Variants in MCTP2 observed in about 807,000 individuals in gnomAD.
The protein encoded by MCTP2 is multiple C2 and transmembrane domain containing 2, also known as multiple C2 and transmembrane domain-containing protein 2.
In MCTP2, 132 loss-of-function variants were observed where a neutral mutation model predicts 111.6. The ratio of observed to expected loss-of-function variants is 1.18; its 90% confidence interval spans 1.03 to 1.37. The LOEUF is 1.37. Ranked by LOEUF, MCTP2 falls within the 40% of genes most tolerant of loss-of-function variation. MCTP2 has a pLI of 0.00. For missense variants in MCTP2, 1,183 were observed against 1,067.9 expected, an observed-to-expected ratio of 1.11 and a Z score of -1.50; for synonymous variants, 395 against 387.7, an observed-to-expected ratio of 1.02 and a Z score of -0.22.
At chr15:94,280,850 A>C (rs2074445094) in intron 1 of MCTP2, among the ~76,000 whole-genome samples, 1 of 152,134 alleles carries the variant, frequency 6.6e-6, no homozygotes, top group Non-Finnish European at 1.5e-5. Context: ...TATTTACCCA[A>C]AAATCATTTA....
chr15:94,248,772 G>A (rs1258648613), intron 1 of MCTP2, among the ~76,000 whole-genome samples: 2 of 152,172 alleles, frequency 1.3e-5, no homozygotes, highest in Non-Finnish European at 2.9e-5. Context: ...GTGAGGCTTT[G>A]CAAAGGTGCA....
chr15:94,317,886 T>A (rs1345194561), intron 4 of MCTP2, among the ~76,000 whole-genome samples: 2 of 152,238 alleles, frequency 1.3e-5, no homozygotes, highest in Non-Finnish European at 2.9e-5. Context: ...TAGTTTTTTT[T>A]AATCAAAGTC....
At chr15:94,373,554 G>A (rs1596502712) in intron 12 of MCTP2, among the ~76,000 whole-genome samples, 1 of 152,180 alleles carries the variant, frequency 6.6e-6, no homozygotes, top group South Asian at 2.1e-4. Context: ...TGTGGTTGAA[G>A]CTACCTGTTA....
chr15:94,272,309 G>T (rs2073947170), intron 1 of MCTP2, among the ~76,000 whole-genome samples: 1 of 152,164 alleles, frequency 6.6e-6, no homozygotes, highest in Admixed American at 6.5e-5. Flanking sequence ...GTGTGTGTGG[G>T]TGTGCATGCA....
Position 94,476,753 on chromosome 15 carries a change from T to C in MCTP2, c.2528T>C (p.Leu843Pro). ...CCCTATTCCATCGACAATAATGAGC[T>C]ACTAGACTTCCTCTCTAGGGTACCG... ...RNPYSIDNNE[L>P]LDFLSRVPSD... The change falls in exon 22 of 23, where the codon CTA becomes CCA. Residue 843 changes from leucine (L) to proline (P), a missense_variant. Physicochemically the swap from Leu to Pro is moderately conservative, Grantham distance 98 (BLOSUM62 -3). Coordinates refer to ENST00000357742, the MANE Select transcript of MCTP2 (RefSeq NM_001385001.1). 3.1e-6 allele frequency: 5 copies of C among 1,608,980 alleles called. No individual in the cohort carries two copies. The highest frequency in any genetic ancestry group is 4.3e-6 in the Non-Finnish European group (5 of 1,175,474).
intron 20 of MCTP2, among the ~76,000 whole-genome samples, chr15:94,463,684 C>T (rs2085350348): frequency 6.6e-6 from 1 of 152,110 alleles, no homozygotes; most frequent in Admixed American, 6.6e-5. Context: ...TTCAACGTTT[C>T]ACCCTCAAGA....
chr15:94,407,775 GCACACACA>G (rs57851445), intron 17 of MCTP2, among the ~76,000 whole-genome samples: 5,507 of 147,734 alleles, frequency 0.037, 105 homozygotes, highest in African/African-American at 0.048. Context: ...ATGTACTTGT[GCACACACA>G]CACACACACA....
intron 21 of MCTP2, among the ~76,000 whole-genome samples, chr15:94,471,754 A>G (rs1381768502): frequency 9.8e-6 from 1 of 101,810 alleles, no homozygotes; most frequent in Non-Finnish European, 2.2e-5. Context: ...AAGAAGGCAT[A>G]TTTTGAAAAA....
At chr15:94,300,055 T>A (rs1036829568) in intron 2 of MCTP2, among the ~76,000 whole-genome samples, 7 of 152,212 alleles carry the variant, frequency 4.6e-5, no homozygotes, top group African/African-American at 1.7e-4. Context: ...ATCAGGTCAG[T>A]ATAAGGAAGG....
At chr15:94,468,493 G>A (rs1178474443) in intron 20 of MCTP2, among the ~76,000 whole-genome samples, 1 of 151,886 alleles carries the variant, frequency 6.6e-6, no homozygotes, top group Non-Finnish European at 1.5e-5. Context: ...AAAAAAAAAG[G>A]TTAGAAATCA....
chr15:94,246,390 T>A (rs2072010100), intron 1 of MCTP2, among the ~76,000 whole-genome samples: 1 of 152,130 alleles, frequency 6.6e-6, no homozygotes, highest in Non-Finnish European at 1.5e-5. Flanking sequence ...CTTATAGAGT[T>A]ATGAGGATTA....
At chr15:94,245,237 T>C (rs2071751958) in intron 1 of MCTP2, among the ~76,000 whole-genome samples, 1 of 142,628 alleles carries the variant, frequency 7.0e-6, no homozygotes, top group Non-Finnish European at 1.5e-5. Flanking sequence ...CATATGTATG[T>C]ATATATACAC....
chr15:94,267,341 C>T (rs866001888), intron 1 of MCTP2, among the ~76,000 whole-genome samples: 5 of 152,202 alleles, frequency 3.3e-5, no homozygotes, highest in Non-Finnish European at 1.5e-5. Flanking sequence ...CGAATTCTTT[C>T]ACTTAGAGGA....
rs1232527635 is a variant in MCTP2, at chr15:94,478,993, A to G, written c.2596A>G (p.Ser866Gly). The G allele has an allele frequency of 6.2e-7, 1 of 1,614,078 alleles. No individual in the cohort carries two copies. Among genetic ancestry groups the G allele is most frequent in the Admixed American group, 1.7e-5 (1 of 60,022 alleles). ...KVQYAELKLCSSHSPLRKKRS... is the reference protein window; with the variant it reads ...KVQYAELKLCGSHSPLRKKRS... ...GCAGTATGCAGAATTGAAACTCTGC[A>G]GCAGCCACAGCCCCCTGCGGAAGAA... The change falls in exon 23 of 23, where the codon AGC becomes GGC. Residue 866 changes from serine to glycine, a missense_variant. Ser to Gly is a moderately conservative substitution (Grantham distance 56, BLOSUM62 0). Transcript: ENST00000357742.
chr15:94,308,612 A>T (rs184817422), intron 2 of MCTP2, among the ~76,000 whole-genome samples: 1 of 152,374 alleles, frequency 6.6e-6, no homozygotes, highest in East Asian at 1.9e-4. Context: ...CATTTTTTAA[A>T]GTATCTCCTG....
At chr15:94,296,281 G>C (rs1471399209) in intron 1 of MCTP2, among the ~76,000 whole-genome samples, 1 of 152,172 alleles carries the variant, frequency 6.6e-6, no homozygotes, top group Non-Finnish European at 1.5e-5. Context: ...TATTGCTAAC[G>C]TGAAATTCAA....
intron 1 of MCTP2, among the ~76,000 whole-genome samples, chr15:94,249,691 T>G (rs1311999401): frequency 3.3e-5 from 5 of 152,066 alleles, no homozygotes; most frequent in South Asian, 4.1e-4. Flanking sequence ...TTCACTGTGT[T>G]AGCCAGTATG....
At chr15:94,443,375 C>T (rs757608784) in intron 19 of MCTP2, among the ~76,000 whole-genome samples, 1 of 152,306 alleles carries the variant, frequency 6.6e-6, no homozygotes, top group Non-Finnish European at 1.5e-5. Flanking sequence ...TTCCTGGCAG[C>T]GTTTTCAGCT....
intron 17 of MCTP2, among the ~76,000 whole-genome samples, chr15:94,432,331 A>G (rs1014646021): frequency 1.3e-5 from 2 of 152,202 alleles, no homozygotes; most frequent in Non-Finnish European, 2.9e-5. Flanking sequence ...GAGAACATAT[A>G]GCATTCTCTT....
Sources: gnomAD v4.1 joint callset for allele counts (sites outside exome capture counted in the v4.1 genomes callset) on GRCh38, gnomAD v4.1.1 for gene constraint, MANE v1.5 for transcripts, NCBI Gene and HGNC (gene_info 2026-07-23, HGNC 2026-07-21) for gene names.